The following COL16A1 variants were observed in gnomAD, a reference collection of about 807,000 sequenced individuals.
The protein encoded by COL16A1 is collagen alpha-1(XVI) chain.
COL16A1 carries 189 observed loss-of-function variants against 266.3 expected under a neutral mutation model. That is an observed-to-expected ratio of 0.71 (90% CI 0.63 to 0.80). COL16A1 has a LOEUF of 0.80. COL16A1 is among the 30% of genes least tolerant of loss of function. COL16A1 has a pLI of 0.00. For missense variants in COL16A1, 1,928 were observed against 2,122.4 expected (o/e 0.91, Z 1.80); for synonymous variants, 740 against 782.3 (o/e 0.95, Z 0.90).
chr1:31,671,360 G>C (rs182833864), intron 48 of COL16A1, among the ~76,000 whole-genome samples: 8 of 152,306 alleles, frequency 5.3e-5, no homozygotes, highest in African/African-American at 1.2e-4. Flanking sequence ...GTGGGGACAG[G>C]GAAGCAAAGA....
Position 31,692,660 on chromosome 1 carries a change from G to A in COL16A1, c.1114-18C>T, listed in dbSNP as rs376787697. ...TCTGCACACTGAACAGGGGAACACA[G>A]TGTTGAGAGGGGCAGAGGGTCACCT... On this transcript the variant is annotated intron_variant, in intron 14 of 70. Coordinates refer to ENST00000373672, the MANE Select transcript of COL16A1 (RefSeq NM_001856.4). The A allele has an allele frequency of 6.8e-6, 11 of 1,613,994 alleles. No individual in the cohort carries two copies. In the African/African-American group the frequency reaches 8.0e-5, roughly 12 times the overall value.
intron 58 of COL16A1, 153 bp from the exon 59 acceptor site, chr1:31,661,857 C>T (rs1193322148): frequency 6.3e-6 from 5 of 799,882 alleles, no homozygotes; most frequent in Non-Finnish European, 9.9e-6. Context: ...GGCTGTGGAT[C>T]CTCAGTGACT....
intron 52 of COL16A1, among the ~76,000 whole-genome samples, chr1:31,666,790 C>T (rs911806858): frequency 3.9e-5 from 6 of 152,130 alleles, no homozygotes; most frequent in African/African-American, 1.2e-4. Flanking sequence ...TGCCCCTCCG[C>T]TTCGATGGTG....
rs1389508986 is a variant in COL16A1 at position 31,660,581 on chromosome 1, T to G, written c.3879+4A>C. 1 of 1,614,012 alleles carries G rather than the reference T, an allele frequency of 6.2e-7. No homozygotes were observed. The highest frequency in any genetic ancestry group is 1.7e-5 in the Admixed American group (1 of 60,018). ...GAGACAGAGACAAAAGTGGTTCAAC[T>G]CACAACGTGTCCCGGGGGACCGGGT... On this transcript the variant is annotated splice_donor_region_variant and intron_variant, in intron 62 of 70. Coordinates refer to ENST00000373672, the MANE Select transcript of COL16A1 (RefSeq NM_001856.4).
At position 31,653,453 on chromosome 1, in the gene COL16A1, G is replaced by C. The variant is rs1007419062; in HGVS notation, c.4612+146C>G. ...ACATCCCCACAGGCCCTGGCAGAGT[G>C]TCTTGCACACAGTGGCATTCCTATA... On this transcript the variant is annotated intron_variant, in intron 70 of 70. Transcript: ENST00000373672. 3 of 967,338 alleles carry C rather than the reference G, an allele frequency of 3.1e-6. No homozygotes were observed. In the African/African-American group the frequency reaches 5.0e-5, roughly 16 times the overall value. The allele number at this position is 967,338 out of a possible 1,614,324, so 59.9% of individuals were successfully genotyped here.
At chr1:31,696,174 G>A (rs1278630895) in intron 8 of COL16A1, 33 bp from the exon 9 acceptor site, 1 of 1,608,358 alleles carries the variant, frequency 6.2e-7, no homozygotes, top group African/African-American at 1.3e-5. Context: ...AACCCTTGAG[G>A]AGGGGGAAGT....
In COL16A1 at chr1:31,653,993, C is replaced by T. The variant is rs1384150418; in HGVS notation, c.4408G>A (p.Ala1470Thr). Residue 1470 changes from alanine (A) to threonine (T), a missense_variant, in exon 69 of 71, where the codon GCA (alanine) becomes ACA (threonine). This residue lies in a region of COL16A1 where 376 missense variants were observed against 485.2 expected (regional missense o/e 0.77). Coordinates refer to ENST00000373672, the MANE Select transcript of COL16A1 (RefSeq NM_001856.4). ...GGAGGCCCTGGTCGTCCCGGAGCTGCCGCCATCTCCATGGGGAACTGCATC... is the reference window on the plus strand; with the variant it reads ...GGAGGCCCTGGTCGTCCCGGAGCTGTCGCCATCTCCATGGGGAACTGCATC... ...SRMQFPMEMAAAPGRPGPPGK... is the reference protein window; with the variant it reads ...SRMQFPMEMATAPGRPGPPGK... The T allele has an allele frequency of 6.2e-7, 1 of 1,614,218 alleles. No individual in the cohort carries two copies. The highest frequency in any genetic ancestry group is 1.1e-5 in the South Asian group (1 of 91,088).
chr1:31,667,648 C>G lies in COL16A1; in HGVS notation c.3304-20G>C, dbSNP rs753256851. 6.3e-7 allele frequency: 1 copy of G among 1,598,810 alleles called. No individual in the cohort carries two copies. The highest frequency in any genetic ancestry group is 8.5e-7 in the Non-Finnish European group (1 of 1,172,428). On this transcript the variant is annotated intron_variant, in intron 51 of 70. Coordinates refer to ENST00000373672, the MANE Select transcript of COL16A1 (RefSeq NM_001856.4). ...GATGCCCTGACAAGTGGCAAAGAGA[C>G]AGTGGAATTAGCCCCACAGAATTAG...
intron 16 of COL16A1, 26 bp downstream of exon 16, chr1:31,692,448 C>T (rs998391989): frequency 6.2e-7 from 1 of 1,601,548 alleles, no homozygotes; most frequent in Admixed American, 1.7e-5. Context: ...CCCTGGAAAT[C>T]CCCCCTCCAA....
In COL16A1 at chr1:31,684,241, G is replaced by C; in HGVS notation, c.2161-10C>G. 4 of 1,480,882 alleles carry C rather than the reference G, an allele frequency of 2.7e-6. No individual in the cohort carries two copies. The highest frequency in any genetic ancestry group is 3.9e-4 in the Middle Eastern group (2 of 5,078). The allele number at this position is 1,480,882 out of a possible 1,614,324, so 91.7% of individuals were successfully genotyped here. On this transcript the variant is annotated splice_polypyrimidine_tract_variant and intron_variant, in intron 31 of 70. Coordinates refer to ENST00000373672, the MANE Select transcript of COL16A1 (RefSeq NM_001856.4). ...CAGTGCAGCCATCACCCTGGTCAGA[G>C]ATGGGTACAGCCAGGAGCCCATGAG...
At chr1:31,661,824 C>A in intron 58 of COL16A1, 120 bp from the exon 59 acceptor site, 1 of 1,117,510 alleles carries the variant, frequency 8.9e-7, no homozygotes, top group Non-Finnish European at 1.3e-6. Flanking sequence ...GGGAAGAATC[C>A]AAGCCTGGCT....
rs1231660577 is a variant in COL16A1, at chr1:31,699,000, C to T, written c.267-394G>A. ...ATCCCAGCTACCCGGGAGGCTGAGGCAGGAGAATTGCTTGAACCCAGGAGG... is the reference window on the plus strand; with the variant it reads ...ATCCCAGCTACCCGGGAGGCTGAGGTAGGAGAATTGCTTGAACCCAGGAGG... On this transcript the variant is annotated intron_variant, in intron 4 of 70. Coordinates refer to ENST00000373672, the MANE Select transcript of COL16A1 (RefSeq NM_001856.4). This position sits in a 1 kb window ranked among gnomAD's most constrained non-coding sequence, Gnocchi z 4.1. Among the ~76,000 whole-genome samples, 2 of 152,140 alleles carry T rather than the reference C, an allele frequency of 1.3e-5. No homozygotes were observed. The highest frequency in any genetic ancestry group is 2.9e-5 in the Non-Finnish European group (2 of 68,034).
chr1:31,694,266 G>T, intron 11 of COL16A1, 96 bp from the exon 12 acceptor site: 1 of 1,016,098 alleles, frequency 9.8e-7, no homozygotes, highest in Non-Finnish European at 1.4e-6. Flanking sequence ...CACACAGCAT[G>T]GTAGCAGGAC....
rs1048533847 is a variant in COL16A1 at position 31,655,448 on chromosome 1, C to T, written c.4156G>A (p.Gly1386Ser). 7 of 1,614,042 alleles carry T rather than the reference C, an allele frequency of 4.3e-6. No homozygotes were observed. The highest frequency in any genetic ancestry group is 5.1e-6 in the Non-Finnish European group (6 of 1,180,030). ...KGQAGEKGRA[G>S]MPGGPGKSGS... ...CTCTTGCCAGGTCCACCAGGCATGC[C>T]GGCTCTCCCCTTCTCTCCTGCCTGG... Residue 1386 changes from glycine (G) to serine (S), a missense_variant, in exon 67 of 71, where the codon GGC becomes AGC. This residue lies in a region of COL16A1 where 376 missense variants were observed against 485.2 expected (regional missense o/e 0.77). Coordinates refer to ENST00000373672, the MANE Select transcript of COL16A1 (RefSeq NM_001856.4).
In COL16A1 at chr1:31,689,857, A is replaced by G; in HGVS notation, c.1510-6T>C. ...CACACTTCACAGGGGTCACCCTAGC[A>G]GAAGGGAGAGGCAGTATGTGGACAG... is the stretch of plus-strand genomic sequence containing the variant. On this transcript the variant is annotated splice_region_variant and splice_polypyrimidine_tract_variant and intron_variant, in intron 22 of 70. Transcript: ENST00000373672. 1 of 1,613,368 alleles carries G rather than the reference A, an allele frequency of 6.2e-7. No homozygotes were observed. Among genetic ancestry groups the G allele is most frequent in the Non-Finnish European group, 8.5e-7 (1 of 1,179,426 alleles).
intron 13 of COL16A1, 21 bp downstream of exon 13, chr1:31,693,071 G>A (rs756497631): frequency 1.7e-5 from 27 of 1,549,100 alleles, no homozygotes; most frequent in East Asian, 4.5e-5. Context: ...GTCCTGCCAC[G>A]GGCAGGGCTG....
Position 31,693,134 on chromosome 1 carries a change from G to T in COL16A1, c.1029C>A (p.Gly343=). 6.2e-7 allele frequency: 1 copy of T among 1,611,002 alleles called. No homozygotes were observed. Among genetic ancestry groups the T allele is most frequent in the South Asian group, 1.1e-5 (1 of 90,968 alleles). Residue 343 remains glycine (G), a synonymous_variant, in exon 13 of 71, where the codon GGC becomes GGA. Coordinates refer to ENST00000373672, the MANE Select transcript of COL16A1 (RefSeq NM_001856.4). ...CCTTGGAGCCTGGTGGACCAGGCAGGCCCCGCTCACCTTTCCCTCCCTGAG... is the reference window on the plus strand; with the variant it reads ...CCTTGGAGCCTGGTGGACCAGGCAGTCCCCGCTCACCTTTCCCTCCCTGAG... The part of the protein sequence containing the change: ...SGPKGGKGER[G]LPGPPGSKGE...
Position 31,685,955 on chromosome 1 carries a change from T to C in COL16A1, c.1884+136A>G. 1 of 1,470,596 alleles carries C rather than the reference T, an allele frequency of 6.8e-7. No individual in the cohort carries two copies. The highest frequency in any genetic ancestry group is 2.0e-5 in the Admixed American group (1 of 49,144). The allele number at this position is 1,470,596 out of a possible 1,614,324, so 91.1% of individuals were successfully genotyped here. On this transcript the variant is annotated intron_variant, in intron 28 of 70. Transcript: ENST00000373672. This position sits in a 1 kb window ranked among gnomAD's most constrained non-coding sequence, Gnocchi z 4.0. ...AAAGGTGGAGCTGAGTCATCAGGGG[T>C]CTCCATGCCTTGCTAAGGAGTCAGA...
chr1:31,694,785 G>A lies in COL16A1; in HGVS notation c.981+401C>T, dbSNP rs143598286. ...AAGAGACAGCAGGCCCTGAACCAACGCTGTGGGAGCCCTTGCCGTGCTGAG... is the reference window on the plus strand; with the variant it reads ...AAGAGACAGCAGGCCCTGAACCAACACTGTGGGAGCCCTTGCCGTGCTGAG... On this transcript the variant is annotated intron_variant, in intron 11 of 70. Transcript: ENST00000373672. Among the ~76,000 whole-genome samples the A allele has an allele frequency of 8.4e-3, 1,278 of 152,292 alleles. 13 individuals are homozygous for A. The highest frequency in any genetic ancestry group is 0.028 in the African/African-American group (1,183 of 41,556).
Sources: allele counts gnomAD v4.1 joint callset (sites outside exome capture counted in the v4.1 genomes callset), GRCh38; gene constraint gnomAD v4.1.1; regional missense constraint gnomAD v4.1.1; non-coding constraint Gnocchi (gnomAD v3.1); transcripts MANE v1.5; gene names NCBI Gene and HGNC (gene_info 2026-07-23, HGNC 2026-07-21).